Variants in ASIC2 observed in about 807,000 individuals in gnomAD.
The protein encoded by ASIC2 is acid-sensing ion channel 2.
ASIC2 carries 25 observed loss-of-function variants against 57.3 expected under a neutral mutation model. The ratio of observed to expected loss-of-function variants is 0.44; its 90% CI spans 0.32 to 0.61. ASIC2 has a LOEUF of 0.61. Ranked by LOEUF, ASIC2 falls within the 20% of genes least tolerant of loss-of-function variation. The pLI, the probability that ASIC2 is intolerant of heterozygous loss-of-function variation, is 0.06. For synonymous variants in ASIC2, 319 were observed against 307.5 expected, an observed-to-expected ratio of 1.04 and a Z score of -0.39; for missense variants, 641 against 738.1, an observed-to-expected ratio of 0.87 and a Z score of 1.52.
intron 1 of ASIC2, among the ~76,000 whole-genome samples, chr17:34,015,068 C>CTTTT (rs776970617): frequency 1.6e-4 from 21 of 129,636 alleles, no homozygotes; most frequent in Non-Finnish European, 2.1e-4. Flanking sequence ...TTTCTTCTGC[C>CTTTT]TTTTTTTTTT....
intron 1 of ASIC2, among the ~76,000 whole-genome samples, chr17:33,134,079 G>A (rs1358009961): frequency 6.6e-6 from 1 of 152,196 alleles, no homozygotes; most frequent in Non-Finnish European, 1.5e-5. Context: ...TGAGGGTTAT[G>A]GAGAGGCCAA....
intron 1 of ASIC2, among the ~76,000 whole-genome samples, chr17:33,500,327 G>A (rs1479667914): frequency 1.3e-5 from 2 of 152,076 alleles, no homozygotes; most frequent in African/African-American, 2.4e-5. Flanking sequence ...GCCAACTCTG[G>A]GATCACACCC....
intron 1 of ASIC2, among the ~76,000 whole-genome samples, chr17:34,046,471 G>A (rs1274029963): frequency 6.6e-6 from 1 of 152,222 alleles, no homozygotes; most frequent in Non-Finnish European, 1.5e-5. Flanking sequence ...CATGGGATAT[G>A]TTGTCACAGG....
intron 1 of ASIC2, among the ~76,000 whole-genome samples, chr17:33,701,530 T>A (rs543827556): frequency 2.0e-5 from 3 of 152,254 alleles, no homozygotes; most frequent in African/African-American, 7.2e-5. Context: ...TAGGTCTGAG[T>A]CTATCTCCAG....
intron 3 of ASIC2, among the ~76,000 whole-genome samples, chr17:33,082,099 A>G (rs998341952): frequency 1.4e-4 from 22 of 152,094 alleles, no homozygotes; most frequent in African/African-American, 4.3e-4. Context: ...GTAGTGAAAG[A>G]GGTTCTTGGT....
intron 1 of ASIC2, among the ~76,000 whole-genome samples, chr17:33,599,400 C>A (rs990146409): frequency 6.6e-6 from 1 of 152,086 alleles, no homozygotes; most frequent in African/African-American, 2.4e-5. Context: ...AAGGGATGGC[C>A]CTGTCTCAGG....
chr17:33,131,719 C>T (rs1476860783), intron 1 of ASIC2: 3 of 152,268 alleles, frequency 2.0e-5, no homozygotes, highest in Non-Finnish European at 2.9e-5. Context: ...CCTGTCCTCT[C>T]CAAGAGGACC....
At chr17:33,193,933 G>T (rs1323914463) in intron 1 of ASIC2, among the ~76,000 whole-genome samples, 1 of 152,122 alleles carries the variant, frequency 6.6e-6, no homozygotes. Context: ...CCATCTCTGG[G>T]AATACTTTCT....
chr17:33,471,680 A>C (rs978579239), intron 1 of ASIC2, among the ~76,000 whole-genome samples: 1 of 152,178 alleles, frequency 6.6e-6, no homozygotes, highest in Admixed American at 6.5e-5. Flanking sequence ...GAATGGCCAG[A>C]CTTTTGAGAG....
chr17:33,800,326 T>C (rs1912095839), intron 1 of ASIC2, among the ~76,000 whole-genome samples: 2 of 152,142 alleles, frequency 1.3e-5, no homozygotes, highest in Non-Finnish European at 2.9e-5. Context: ...ACAATATCAG[T>C]CACACCTTCA....
At chr17:33,649,427 C>T (rs939022153) in intron 1 of ASIC2, among the ~76,000 whole-genome samples, 7 of 152,088 alleles carry the variant, frequency 4.6e-5, no homozygotes, top group African/African-American at 1.7e-4. Flanking sequence ...ACCATGTTCA[C>T]GGATTGAAAA....
chr17:33,108,656 G>A (rs1317507575), intron 2 of ASIC2, among the ~76,000 whole-genome samples: 2 of 152,234 alleles, frequency 1.3e-5, no homozygotes, highest in Non-Finnish European at 1.5e-5. Context: ...GCAGCTTTGA[G>A]GTGACCAGCA....
At chr17:33,548,731 C>T (rs766820011) in intron 1 of ASIC2, among the ~76,000 whole-genome samples, 3 of 152,184 alleles carry the variant, frequency 2.0e-5, no homozygotes, top group African/African-American at 7.2e-5. Flanking sequence ...AGATTCCCCA[C>T]CTTGCCCATT....
chr17:33,293,982 G>A (rs866489273), upstream of ASIC2, among the ~76,000 whole-genome samples: 1 of 152,056 alleles, frequency 6.6e-6, no homozygotes, highest in African/African-American at 2.4e-5. Flanking sequence ...TGCGAGCAGG[G>A]TAGGCTCAGT....
At chr17:33,721,336 A>T (rs1402351272) in intron 1 of ASIC2, among the ~76,000 whole-genome samples, 46 of 152,186 alleles carry the variant, frequency 3.0e-4, no homozygotes, top group Admixed American at 3.0e-3. Flanking sequence ...CCAAGCATGC[A>T]CCATTTGAAG....
intron 1 of ASIC2, among the ~76,000 whole-genome samples, chr17:33,360,380 A>G (rs974979343): frequency 1.3e-5 from 2 of 152,076 alleles, no homozygotes; most frequent in Non-Finnish European, 2.9e-5. Flanking sequence ...TTGTTGGGAG[A>G]CCCAGTGCTT....
chr17:33,286,573 T>A (rs1905205720), intron 1 of ASIC2, among the ~76,000 whole-genome samples: 1 of 152,208 alleles, frequency 6.6e-6, no homozygotes, highest in Non-Finnish European at 1.5e-5. Context: ...AGAATGCATG[T>A]GTTCAATCTC....
intron 1 of ASIC2, among the ~76,000 whole-genome samples, chr17:33,232,196 G>A (rs1908117223): frequency 6.6e-6 from 1 of 152,128 alleles, no homozygotes. Flanking sequence ...TTTATAAGAG[G>A]AGGGAGAGAG....
intron 1 of ASIC2, among the ~76,000 whole-genome samples, chr17:33,584,871 C>T (rs554389678): frequency 1.3e-5 from 2 of 151,932 alleles, no homozygotes; most frequent in South Asian, 2.1e-4. Flanking sequence ...AGAGAGACAC[C>T]GATGGCCTAA....
Sources: allele counts gnomAD v4.1 joint callset (sites outside exome capture counted in the v4.1 genomes callset), GRCh38; gene constraint gnomAD v4.1.1; transcripts MANE v1.5; gene names NCBI Gene and HGNC (gene_info 2026-07-23, HGNC 2026-07-21).